Variants in TP63 observed in about 807,000 individuals in gnomAD.
The protein encoded by TP63 is tumor protein p63.
Under a neutral mutation model 82.8 loss-of-function variants are expected in TP63, and 17 were observed. That is an observed-to-expected ratio of 0.21 (90% CI 0.14 to 0.31). TP63 has a LOEUF of 0.31. TP63 is among the 10% of genes least tolerant of loss of function. The pLI is 1.00. For synonymous variants in TP63, 330 were observed against 321.7 expected (o/e 1.03, Z -0.28); for missense variants, 648 against 895.3 (o/e 0.72, Z 3.52).
At chr3:189,667,476 G>T (rs1714505527) in intron 1 of TP63, among the ~76,000 whole-genome samples, 1 of 152,040 alleles carries the variant, frequency 6.6e-6, no homozygotes, top group Non-Finnish European at 1.5e-5. Flanking sequence ...TTTAAGAGTT[G>T]CTGAAGGAGG....
intron 10 of TP63, among the ~76,000 whole-genome samples, chr3:189,876,929 G>A (rs1719295945): frequency 6.6e-6 from 1 of 152,134 alleles, no homozygotes; most frequent in East Asian, 1.9e-4. Flanking sequence ...AATCAATTTT[G>A]TATTTTTCTT....
chr3:189,627,118 C>T (rs1458422578), upstream of TP63, among the ~76,000 whole-genome samples: 1 of 152,106 alleles, frequency 6.6e-6, no homozygotes, highest in African/African-American at 2.4e-5. Flanking sequence ...CCCAGGTTAG[C>T]CAACTGCTTT....
chr3:189,833,341 A>G (rs1415697362), intron 4 of TP63, among the ~76,000 whole-genome samples: 1 of 152,240 alleles, frequency 6.6e-6, no homozygotes, highest in Non-Finnish European at 1.5e-5. Flanking sequence ...GTAAAAGAAC[A>G]TTATGCCTTT....
rs2108877938 is a variant in TP63, at chr3:189,896,153, T to A, written c.*1651T>A. On this transcript the variant is annotated 3_prime_UTR_variant, in exon 14 of 14. Transcript: ENST00000264731. ...CTTCCCATGCATTCTGGTCAAGGGC[T>A]GTCATTGCACATAAGCTTCCATTTT... The A allele has an allele frequency of 4.5e-6, 1 of 221,234 alleles. No homozygotes were observed. Among genetic ancestry groups the A allele is most frequent in the Non-Finnish European group, 9.1e-6 (1 of 110,252 alleles). The allele number at this position is 221,234 out of a possible 1,614,324, so 13.7% of individuals were successfully genotyped here. A position where few individuals can be genotyped will look rare whatever the true frequency, so the allele number is the denominator to read the frequency against.
chr3:189,787,866 T>C (rs1724740057), intron 3 of TP63, among the ~76,000 whole-genome samples: 1 of 152,034 alleles, frequency 6.6e-6, no homozygotes. Flanking sequence ...GCTGTAACCC[T>C]GCAGAGTCTG....
At chr3:189,628,132 T>C (rs970922419), upstream of TP63, among the ~76,000 whole-genome samples, 2 of 152,082 alleles carry the variant, frequency 1.3e-5, no homozygotes, top group South Asian at 4.1e-4. Context: ...AAGAAAGTTA[T>C]AGGTGACCTT....
chr3:189,703,588 T>G (rs1178816455), intron 1 of TP63, among the ~76,000 whole-genome samples: 1 of 151,966 alleles, frequency 6.6e-6, no homozygotes, highest in African/African-American at 2.4e-5. Context: ...AAAGAAAAGG[T>G]AGAGGGCAGA....
At chr3:189,797,768 A>G (rs917051590) in intron 3 of TP63, among the ~76,000 whole-genome samples, 1 of 152,004 alleles carries the variant, frequency 6.6e-6, no homozygotes, top group Non-Finnish European at 1.5e-5. Flanking sequence ...CAATCCCAAA[A>G]TGCTTGAAAG....
chr3:189,627,745 G>A (rs1029506569), upstream of TP63, among the ~76,000 whole-genome samples: 3 of 152,076 alleles, frequency 2.0e-5, no homozygotes, highest in Admixed American at 1.3e-4. Flanking sequence ...AGGGGAGATC[G>A]ATTGCAAAGT....
chr3:189,757,151 T>C (rs1722245035), intron 3 of TP63, among the ~76,000 whole-genome samples: 2 of 152,238 alleles, frequency 1.3e-5, no homozygotes, highest in African/African-American at 4.8e-5. Context: ...CAACCTTTAG[T>C]AGATGAGAAA....
intron 3 of TP63, among the ~76,000 whole-genome samples, chr3:189,772,151 C>G (rs896751847): frequency 1.3e-5 from 2 of 152,122 alleles, no homozygotes; most frequent in Admixed American, 1.3e-4. Context: ...TGTATATCTT[C>G]CCAAGCATAA....
At chr3:189,772,516 T>C (rs998962485) in intron 3 of TP63, among the ~76,000 whole-genome samples, 11 of 152,244 alleles carry the variant, frequency 7.2e-5, no homozygotes, top group Admixed American at 2.0e-4. Flanking sequence ...GTATGTTCCA[T>C]AGTTGCTCTC....
intron 1 of TP63, among the ~76,000 whole-genome samples, chr3:189,720,965 C>G (rs1719346564): frequency 1.3e-5 from 2 of 152,264 alleles, no homozygotes; most frequent in East Asian, 3.9e-4. Context: ...GCCAGAGGGC[C>G]TATTCGTAAA....
chr3:189,820,418 A>T (rs918690969), intron 4 of TP63, among the ~76,000 whole-genome samples: 1 of 152,352 alleles, frequency 6.6e-6, no homozygotes, highest in African/African-American at 2.4e-5. Context: ...TTGCACAAGC[A>T]TGGTAGACAT....
At chr3:189,840,199 GTGT>G (rs1713780618) in intron 4 of TP63, among the ~76,000 whole-genome samples, 1 of 151,908 alleles carries the variant, frequency 6.6e-6, no homozygotes. Context: ...CGGGTGGTAA[GTGT>G]TGTTTTTCAT....
intron 1 of TP63, among the ~76,000 whole-genome samples, chr3:189,640,347 G>A (rs1461643128): frequency 6.6e-6 from 1 of 151,998 alleles, no homozygotes; most frequent in African/African-American, 2.4e-5. Flanking sequence ...AATTGATACT[G>A]TCTAATATGA....
At chr3:189,674,872 A>AAAAAC (rs1715253119) in intron 1 of TP63, among the ~76,000 whole-genome samples, 1 of 152,172 alleles carries the variant, frequency 6.6e-6, no homozygotes, top group African/African-American at 2.4e-5. Context: ...GACCCTATGT[A>AAAAAC]GCACATCAAG....
chr3:189,760,116 G>A (rs1015280838), intron 3 of TP63, among the ~76,000 whole-genome samples: 1 of 152,146 alleles, frequency 6.6e-6, no homozygotes, highest in African/African-American at 2.4e-5. Context: ...TACAAAATGA[G>A]ATTTGGGTGG....
At chr3:189,620,155 G>A in the TP63 span, among the ~76,000 whole-genome samples, 2 of 152,178 alleles carry the variant, frequency 1.3e-5, no homozygotes, top group African/African-American at 4.8e-5. Context: ...GGCAGACCAC[G>A]AGGTCAAGAG....
Sources: allele counts gnomAD v4.1 joint callset (sites outside exome capture counted in the v4.1 genomes callset), GRCh38; gene constraint gnomAD v4.1.1; transcripts MANE v1.5; gene names NCBI Gene and HGNC (gene_info 2026-07-23, HGNC 2026-07-21).